The following BAIAP2L2 variants were observed in gnomAD, a reference collection of about 807,000 sequenced individuals.
The protein encoded by BAIAP2L2 is BAR/IMD domain containing adaptor protein 2 like 2.
A neutral mutation model predicts 60.4 loss-of-function variants in BAIAP2L2; 65 were observed. The ratio of observed to expected loss-of-function variants is 1.08; its 90% CI spans 0.88 to 1.32. The LOEUF (loss-of-function observed/expected upper bound fraction) is 1.32. Among genes scored for constraint, BAIAP2L2 ranks in the 40% most tolerant of loss-of-function variants. The pLI, the probability that BAIAP2L2 is intolerant of heterozygous loss-of-function variation, is 0.00. For missense variants in BAIAP2L2, 836 were observed against 741.2 expected (o/e 1.13, Z -1.48); for synonymous variants, 344 against 301.7 (o/e 1.14, Z -1.45).
upstream of BAIAP2L2, chr22:38,110,727 G>GGGC (rs1372070608): frequency 3.1e-4 from 170 of 556,410 alleles, 1 homozygote; most frequent in Middle Eastern, 2.4e-3. Flanking sequence ...ATGTGATCTG[G>GGGC]GGCGTAACCA....
At chr22:38,110,341 G>T in intron 1 of BAIAP2L2, 134 bp downstream of exon 1, 1 of 905,390 alleles carries the variant, frequency 1.1e-6, no homozygotes, top group Non-Finnish European at 1.7e-6. Flanking sequence ...ACCCACCCCT[G>T]GCCCAGCCTG....
chr22:38,099,909 A>T (rs2086529749), intron 4 of BAIAP2L2, among the ~76,000 whole-genome samples: 1 of 152,198 alleles, frequency 6.6e-6, no homozygotes, highest in African/African-American at 2.4e-5. Flanking sequence ...TCTCCTCCCA[A>T]TATGCAGAAA....
Position 38,108,271 on chromosome 22 carries a change from G to T in BAIAP2L2, c.198C>A (p.Pro66=). The change falls in exon 3 of 14, where the codon CCC becomes CCA. Residue 66 remains proline (P), a synonymous_variant. Coordinates refer to ENST00000381669, the MANE Select transcript of BAIAP2L2 (RefSeq NM_025045.6). ...QKIGERALQS[P]TSQILGEILV... Reference sequence around the variant, plus strand: ...GAGCCTCACCCAGAATCTGTGAGGTGGGGCTCTGCAGGGCACGCTCCCCAA... The same window carrying T: ...GAGCCTCACCCAGAATCTGTGAGGTTGGGCTCTGCAGGGCACGCTCCCCAA... 1 of 1,612,604 alleles carries T rather than the reference G, an allele frequency of 6.2e-7. No individual in the cohort carries two copies. The highest frequency in any genetic ancestry group is 8.5e-7 in the Non-Finnish European group (1 of 1,179,882).
Position 38,098,499 on chromosome 22 carries a change from G to T in BAIAP2L2, c.277-17C>A, listed in dbSNP as rs1480571109. On this transcript the variant is annotated splice_polypyrimidine_tract_variant and intron_variant, in intron 4 of 13. Coordinates refer to ENST00000381669, the MANE Select transcript of BAIAP2L2 (RefSeq NM_025045.6). ...TGTCTGCACCTGAGCGGAGTGCAGGGTGAGGGTGATCAAGGCCCCCCTACT... is the reference window on the plus strand; with the variant it reads ...TGTCTGCACCTGAGCGGAGTGCAGGTTGAGGGTGATCAAGGCCCCCCTACT... 1.9e-6 allele frequency: 3 copies of T among 1,607,718 alleles called. No homozygotes were observed. Among genetic ancestry groups the T allele is most frequent in the Non-Finnish European group, 1.7e-6 (2 of 1,174,980 alleles).
Position 38,098,495 on chromosome 22 carries a change from C to CAGGGTG in BAIAP2L2, c.277-19_277-14dup. On this transcript the variant is annotated splice_polypyrimidine_tract_variant and intron_variant, in intron 4 of 13. Coordinates refer to ENST00000381669, the MANE Select transcript of BAIAP2L2 (RefSeq NM_025045.6). ...GGAATGTCTGCACCTGAGCGGAGTG[C>CAGGGTG]AGGGTGAGGGTGATCAAGGCCCCCC... is the stretch of plus-strand genomic sequence containing the variant. 6.2e-7 allele frequency: 1 copy of CAGGGTG among 1,611,848 alleles called. No homozygotes were observed.
chr22:38,086,983 G>A (rs2145924315), intron 11 of BAIAP2L2, 141 bp downstream of exon 11: 1 of 1,144,774 alleles, frequency 8.7e-7, no homozygotes, highest in East Asian at 3.1e-5. Flanking sequence ...GTGACAGGGT[G>A]AGACTCTGTC....
At position 38,088,748 on chromosome 22, in the gene BAIAP2L2, G is replaced by T. The variant is rs201879183; in HGVS notation, c.1118C>A (p.Ala373Glu). Reference protein sequence around the residue: ...WLYGKLEGSSASGWFPEAYVK... With the variant: ...WLYGKLEGSSESGWFPEAYVK... The stretch of plus-strand genomic sequence containing the variant: ...CGGCCCCTCCAAGGCTCCCACTCAC[G>T]CGGACGAGCCCTCCAGCTTGCCGTA... Residue 373 changes from alanine (A) to glutamate (E), a missense_variant and splice_region_variant, in exon 10 of 14, where the codon GCG (alanine) becomes GAG (glutamate). Transcript: ENST00000381669. 39 of 1,592,620 alleles carry T rather than the reference G, an allele frequency of 2.4e-5. No individual in the cohort carries two copies. Among genetic ancestry groups the T allele is most frequent in the Middle Eastern group, 1.7e-4 (1 of 5,948 alleles).
At chr22:38,096,931 GGAGGGAA>G in intron 7 of BAIAP2L2, 94 bp downstream of exon 7, 1 of 1,312,390 alleles carries the variant, frequency 7.6e-7, no homozygotes, top group Non-Finnish European at 1.0e-6. Flanking sequence ...AGGCAGGCAG[GGAGGGAA>G]GAGGGAAGAA....
intron 4 of BAIAP2L2, among the ~76,000 whole-genome samples, chr22:38,102,169 G>A: frequency 6.6e-6 from 1 of 152,260 alleles, no homozygotes; most frequent in Non-Finnish European, 1.5e-5. Flanking sequence ...AAGGTAAGAG[G>A]TCCCTGGTAA....
chr22:38,089,258 TGGGGCGG>T, intron 8 of BAIAP2L2, 27 bp from the exon 9 acceptor site: 4 of 27,708 alleles, frequency 1.4e-4, no homozygotes, highest in East Asian at 3.9e-4. Context: ...CAGGGGAGGG[TGGGGCGG>T]GGGGGGGGGG....
intron 8 of BAIAP2L2, 39 bp downstream of exon 8, chr22:38,089,455 TGAGGCCCCGGGCCCCCGCGGGGGGCGGC>T: frequency 1.1e-6 from 1 of 920,518 alleles, no homozygotes; most frequent in Non-Finnish European, 1.4e-6. Flanking sequence ...GCTGGGGGCC[TGAGGCCCCGGGCCCCCGCGGGGGGCGGC>T]GGGGGCGCGA....
In BAIAP2L2 at chr22:38,110,612, CCCA is replaced by C; in HGVS notation, c.-90_-88del. 1 of 1,133,766 alleles carries C rather than the reference CCCA, an allele frequency of 8.8e-7. No individual in the cohort carries two copies. The highest frequency in any genetic ancestry group is 1.3e-6 in the Non-Finnish European group (1 of 799,708). The allele number at this position is 1,133,766 out of a possible 1,614,324, so 70.2% of individuals were successfully genotyped here. A position where few individuals can be genotyped will look rare whatever the true frequency, so the allele number is the denominator to read the frequency against. ...GCAGTGGTAGGTAGTCCCTCAGGTG[CCCA>C]CGACTCAGCTGGCAGCGAGGAAGCC... On this transcript the variant is annotated 5_prime_UTR_variant, in exon 1 of 14. Coordinates refer to ENST00000381669, the MANE Select transcript of BAIAP2L2 (RefSeq NM_025045.6).
At chr22:38,098,015 CTGCCCA>C in intron 6 of BAIAP2L2, 42 bp downstream of exon 6, 4 of 948,476 alleles carry the variant, frequency 4.2e-6, no homozygotes, top group Non-Finnish European at 6.4e-6. Flanking sequence ...GCCCCGAGGT[CTGCCCA>C]CCCGCCCTTC....
chr22:38,089,696 G>C, intron 7 of BAIAP2L2, 22 bp from the exon 8 acceptor site: 1 of 1,228,448 alleles, frequency 8.1e-7, no homozygotes, highest in Non-Finnish European at 1.0e-6. Context: ...GGGACACGGG[G>C]GTCAGCCAGG....
intron 7 of BAIAP2L2, 35 bp downstream of exon 7, chr22:38,096,997 A>G (rs2086446124): frequency 1.9e-6 from 3 of 1,587,184 alleles, no homozygotes; most frequent in Non-Finnish European, 2.6e-6. Flanking sequence ...CAGCTCCTAG[A>G]AGCGCCCCGC....
intron 7 of BAIAP2L2, 136 bp from the exon 8 acceptor site, chr22:38,089,810 C>G (rs2086236968): frequency 2.3e-6 from 2 of 866,776 alleles, no homozygotes; most frequent in East Asian, 6.8e-5. Context: ...TGGAAGGAGC[C>G]AGAAGCCAGC....
intron 2 of BAIAP2L2, 123 bp downstream of exon 2, chr22:38,109,010 G>T: frequency 1.2e-6 from 1 of 841,516 alleles, no homozygotes; most frequent in East Asian, 2.5e-5. Flanking sequence ...TGAGGGTGGT[G>T]GGTAGGAGGG....
chr22:38,110,164 A>G lies in BAIAP2L2; in HGVS notation c.51+311T>C, dbSNP rs553624571. Among the ~76,000 whole-genome samples, 336 of 142,590 alleles carry G rather than the reference A, an allele frequency of 2.4e-3. 14 individuals carry two copies. Among genetic ancestry groups the G allele is most frequent in the African/African-American group, 9.2e-3 (329 of 35,590 alleles). The allele number at this position is 142,590 out of a possible 152,430, so 93.5% of individuals were successfully genotyped here. A position where few individuals can be genotyped will look rare whatever the true frequency, so the allele number is the denominator to read the frequency against. ...GAGAGAGAGAGGGAGAGACAGAGAGAGAGAGGGAGGGTCTTTCTTTATTCC... is the reference window on the plus strand; with the variant it reads ...GAGAGAGAGAGGGAGAGACAGAGAGGGAGAGGGAGGGTCTTTCTTTATTCC... On this transcript the variant is annotated intron_variant, in intron 1 of 13. Coordinates refer to ENST00000381669, the MANE Select transcript of BAIAP2L2 (RefSeq NM_025045.6).
At chr22:38,094,556 C>T (rs1469651146) in intron 7 of BAIAP2L2, among the ~76,000 whole-genome samples, 1 of 152,184 alleles carries the variant, frequency 6.6e-6, no homozygotes, top group Non-Finnish European at 1.5e-5. Flanking sequence ...GGATGCATGA[C>T]TCTGTGAATA....
Sources: gnomAD v4.1 joint callset for allele counts (sites outside exome capture counted in the v4.1 genomes callset) on GRCh38, gnomAD v4.1.1 for gene constraint, MANE v1.5 for transcripts, NCBI Gene and HGNC (gene_info 2026-07-23, HGNC 2026-07-21) for gene names.